Variants in GPHN observed in about 807,000 individuals in gnomAD.
The protein encoded by GPHN is gephyrin.
GPHN carries 17 observed loss-of-function variants against 95.5 expected under a neutral mutation model. The ratio of observed to expected loss-of-function variants is 0.18; its 90% CI spans 0.12 to 0.27. The LOEUF (loss-of-function observed/expected upper bound fraction) is 0.27. GPHN is among the 10% of genes least tolerant of loss of function. The probability of loss-of-function intolerance (pLI) is 1.00; values close to 1 mark genes in which losing one functional copy is unlikely to be tolerated. For missense variants in GPHN, 660 were observed against 978.1 expected, an observed-to-expected ratio of 0.67 and a Z score of 4.34; for synonymous variants, 320 against 322.5, an observed-to-expected ratio of 0.99 and a Z score of 0.08.
At chr14:66,935,695 T>C (rs1469860489) in intron 8 of GPHN, among the ~76,000 whole-genome samples, 1 of 151,728 alleles carries the variant, frequency 6.6e-6, no homozygotes, top group Non-Finnish European at 1.5e-5. Context: ...TATGTATACA[T>C]GTATACGTAT....
intron 9 of GPHN, among the ~76,000 whole-genome samples, chr14:66,994,985 T>C: frequency 6.6e-6 from 1 of 152,230 alleles, no homozygotes; most frequent in East Asian, 1.9e-4. Flanking sequence ...TCTGCTATGC[T>C]TGGCACTGGA....
the GPHN span, among the ~76,000 whole-genome samples, chr14:67,445,577 CTTTTTTTTTT>C: frequency 1.8e-4 from 11 of 59,922 alleles, no homozygotes; most frequent in Non-Finnish European, 2.1e-4. Flanking sequence ...AGAGGCAATT[CTTTTTTTTTT>C]TTTTTTTTTT....
chr14:67,356,375 C>CG, the GPHN span, among the ~76,000 whole-genome samples: 1 of 150,720 alleles, frequency 6.6e-6, no homozygotes, highest in Admixed American at 6.6e-5. Flanking sequence ...GAGCCAAGAT[C>CG]GGGTCACTGC....
intron 8 of GPHN, among the ~76,000 whole-genome samples, chr14:66,948,686 C>T (rs2067902540): frequency 6.6e-6 from 1 of 152,198 alleles, no homozygotes; most frequent in East Asian, 1.9e-4. Context: ...GCTTAACTAG[C>T]ATATTTCTAT....
At chr14:66,811,544 A>G (rs1373108725) in intron 3 of GPHN, among the ~76,000 whole-genome samples, 1 of 128,670 alleles carries the variant, frequency 7.8e-6, no homozygotes, top group Admixed American at 7.7e-5. Context: ...TCTTACATTC[A>G]GCAAAAAAAA....
the GPHN span, among the ~76,000 whole-genome samples, chr14:67,355,453 A>AC: frequency 1.0e-5 from 1 of 98,920 alleles, no homozygotes; most frequent in Non-Finnish European, 1.8e-5. Flanking sequence ...CTGTCTCAAA[A>AC]AAAAAAAAAA....
chr14:67,486,604 T>C, the GPHN span, among the ~76,000 whole-genome samples: 64 of 152,314 alleles, frequency 4.2e-4, no homozygotes, highest in South Asian at 5.4e-3. Context: ...AGAGTTTCCC[T>C]GCACAAGCTC....
At chr14:67,222,403 T>C in the GPHN span, among the ~76,000 whole-genome samples, 22,583 of 152,182 alleles carry the variant, frequency 0.15, 3,142 homozygotes, top group East Asian at 0.42. Flanking sequence ...GTGATTCTGC[T>C]GCCTCAGCCT....
the GPHN span, among the ~76,000 whole-genome samples, chr14:67,728,703 T>TTGGG: frequency 4.4e-4 from 62 of 142,232 alleles, 1 homozygote; most frequent in African/African-American, 1.4e-3. Context: ...GGATATCTTG[T>TTGGG]GGGGGGGGGG....
At chr14:67,474,254 A>C in the GPHN span, among the ~76,000 whole-genome samples, 1 of 110,580 alleles carries the variant, frequency 9.0e-6, no homozygotes, top group Non-Finnish European at 1.8e-5. Context: ...TCTGTCTCCA[A>C]AAAAACAAAA....
chr14:66,873,451 G>A (rs1208201666), intron 4 of GPHN, among the ~76,000 whole-genome samples: 1 of 152,200 alleles, frequency 6.6e-6, no homozygotes, highest in East Asian at 1.9e-4. Context: ...AAGCCAGGGA[G>A]CAAATTGGTC....
the GPHN span, among the ~76,000 whole-genome samples, chr14:67,280,313 C>CTT: frequency 6.6e-6 from 1 of 152,164 alleles, no homozygotes; most frequent in Non-Finnish European, 1.5e-5. Flanking sequence ...GCTCACTGAA[C>CTT]TAGTGTTAGG....
chr14:66,913,285 C>T (rs908353773), intron 5 of GPHN, among the ~76,000 whole-genome samples: 2 of 152,038 alleles, frequency 1.3e-5, no homozygotes, highest in African/African-American at 4.8e-5. Context: ...TTTTTTAACT[C>T]TATGCTTTTG....
the GPHN span, chr14:67,203,142 G>A: frequency 3.7e-6 from 6 of 1,613,708 alleles, no homozygotes; most frequent in Non-Finnish European, 5.1e-6. Flanking sequence ...AGCCAACTGG[G>A]TGACCGTAGG....
At chr14:66,993,559 C>T (rs1449146939) in intron 9 of GPHN, among the ~76,000 whole-genome samples, 4 of 152,132 alleles carry the variant, frequency 2.6e-5, no homozygotes, top group Non-Finnish European at 5.9e-5. Context: ...AAATCATATA[C>T]CTTCTATGGG....
At chr14:67,575,677 G>A in the GPHN span, 1 of 725,956 alleles carries the variant, frequency 1.4e-6, no homozygotes, top group Admixed American at 2.3e-5. Context: ...CTGCCAGCCT[G>A]GCTGGGATGC....
At chr14:67,713,754 AGCACAGTT>A in the GPHN span, among the ~76,000 whole-genome samples, 1 of 152,038 alleles carries the variant, frequency 6.6e-6, no homozygotes, top group Non-Finnish European at 1.5e-5. Flanking sequence ...GGATGGTCAG[AGCACAGTT>A]TGGTTTTATA....
chr14:67,490,333 G>A, the GPHN span, among the ~76,000 whole-genome samples: 1 of 152,156 alleles, frequency 6.6e-6, no homozygotes, highest in South Asian at 2.1e-4. Context: ...GAGGCAGAGT[G>A]GGCGGCCTGG....
chr14:67,549,117 T>C, the GPHN span, among the ~76,000 whole-genome samples: 1 of 151,904 alleles, frequency 6.6e-6, no homozygotes, highest in African/African-American at 2.4e-5. Context: ...CAAGGATGAG[T>C]TGGAAGTATG....
Sources: gnomAD v4.1 joint callset for allele counts (sites outside exome capture counted in the v4.1 genomes callset) on GRCh38, gnomAD v4.1.1 for gene constraint, MANE v1.5 for transcripts, NCBI Gene and HGNC (gene_info 2026-07-23, HGNC 2026-07-21) for gene names.